The following UTP20 variants were observed in gnomAD, a reference collection of about 807,000 sequenced individuals.
The protein encoded by UTP20 is small subunit processome component 20 homolog.
A neutral mutation model predicts 329.5 loss-of-function variants in UTP20; 164 were observed. The observed-to-expected ratio is 0.50, with a 90% CI of 0.44 to 0.57. The LOEUF is 0.57. UTP20 is among the 20% of genes least tolerant of loss of function. The pLI is 0.00. For missense variants in UTP20, 3,055 were observed against 3,284.2 expected (o/e 0.93, Z 1.71); for synonymous variants, 1,151 against 1,159.3 (o/e 0.99, Z 0.14).
intron 29 of UTP20, among the ~76,000 whole-genome samples, chr12:101,334,728 A>C (rs937197950): frequency 1.3e-5 from 2 of 152,232 alleles, no homozygotes; most frequent in African/African-American, 4.8e-5. Context: ...CTGTAATCCC[A>C]GTACTTTGGG....
rs1381874927 is a variant in UTP20, at chr12:101,342,622, CT to C, written c.4245+37del. On this transcript the variant is annotated intron_variant, in intron 33 of 61. Transcript: ENST00000261637. ...CTATTCATTTTTACTCCAAATCACCCTTTTAAAAAAATGTAATTATGACTTG... is the reference window on the plus strand; with the variant it reads ...CTATTCATTTTTACTCCAAATCACCCTTTAAAAAAATGTAATTATGACTTG... The C allele has an allele frequency of 3.8e-6, 6 of 1,580,976 alleles. No individual in the cohort carries two copies. In the East Asian group the frequency reaches 1.1e-4, roughly 29 times the overall value.
intron 21 of UTP20, among the ~76,000 whole-genome samples, chr12:101,314,341 A>T (rs1872892814): frequency 6.6e-6 from 1 of 152,096 alleles, no homozygotes; most frequent in Admixed American, 6.5e-5. Context: ...GTTTTGATTA[A>T]TCTGATAGGG....
In UTP20 at chr12:101,373,698, TG is replaced by T; in HGVS notation, c.7064del (p.Gly2355ValfsTer25). 6.2e-7 allele frequency: 1 copy of T among 1,612,294 alleles called. No individual in the cohort carries two copies. The highest frequency in any genetic ancestry group is 8.5e-7 in the Non-Finnish European group (1 of 1,179,722). On this transcript the variant is annotated frameshift_variant, in exon 54 of 62. Transcript: ENST00000261637. LOFTEE classifies it high-confidence loss of function. ...CATCCATGACAATCAAGTCCCTACT[TG>T]GTAAAATCAGCCTCGAGAAAAAAGA... ...MASMTIKSLLGKISLEKKDWL... is the reference protein window; with the variant it reads ...MASMTIKSLLXKISLEKKDWL...
Position 101,290,244 on chromosome 12 carries a change from T to C in UTP20, c.705T>C (p.Val235=). ...TGCTCTTTGAAATGTGCAAAGGAGT[T>C]AGAAATATGTTTCACTCCTGTACAG... ...GQLLFEMCKG[V]RNMFHSCTGQ... is the part of the protein sequence containing the mutation. Residue 235 remains valine, a synonymous_variant, in exon 7 of 62, where the codon GTT becomes GTC. Transcript: ENST00000261637. 6.2e-7 allele frequency: 1 copy of C among 1,608,740 alleles called. No homozygotes were observed. The highest frequency in any genetic ancestry group is 1.1e-5 in the South Asian group (1 of 89,634).
chr12:101,311,261 T>G (rs1872780231), intron 19 of UTP20, among the ~76,000 whole-genome samples: 2 of 103,410 alleles, frequency 1.9e-5, no homozygotes, highest in Admixed American at 2.0e-4. Context: ...ATGTCTCCTT[T>G]TAAGTTCTGA....
intron 51 of UTP20, among the ~76,000 whole-genome samples, chr12:101,371,650 C>T (rs993163779): frequency 6.6e-5 from 10 of 150,572 alleles, no homozygotes; most frequent in Non-Finnish European, 1.5e-4. Context: ...TCTCCTGCCT[C>T]AGCCTCCTGA....
Position 101,383,032 on chromosome 12 carries a change from T to A in UTP20, c.7657-9T>A. 1.9e-6 allele frequency: 3 copies of A among 1,582,190 alleles called. No individual in the cohort carries two copies. The highest frequency in any genetic ancestry group is 2.6e-6 in the Non-Finnish European group (3 of 1,168,388). ...CCAATTTCTTCCCCCACCCCGTTTTTTTTTAAAGGTTGTTAAGAATTTGTT... is the reference window on the plus strand; with the variant it reads ...CCAATTTCTTCCCCCACCCCGTTTTATTTTAAAGGTTGTTAAGAATTTGTT... On this transcript the variant is annotated splice_polypyrimidine_tract_variant and intron_variant, in intron 58 of 61. Transcript: ENST00000261637.
chr12:101,381,097 A>G (rs1870630938), intron 57 of UTP20, 43 bp from the exon 58 acceptor site: 1 of 1,493,238 alleles, frequency 6.7e-7, no homozygotes, highest in South Asian at 1.1e-5. Context: ...ACAATCAGAA[A>G]TGTCCTGTGT....
At position 101,381,147 on chromosome 12, in the gene UTP20, G is replaced by T. The variant is rs1382891635; in HGVS notation, c.7592G>T (p.Ser2531Ile). 1.2e-6 allele frequency: 2 copies of T among 1,613,582 alleles called. No individual in the cohort carries two copies. The highest frequency in any genetic ancestry group is 1.7e-6 in the Non-Finnish European group (2 of 1,179,520). Residue 2531 changes from serine to isoleucine, a missense_variant, in exon 58 of 62, where the codon AGT becomes ATT. By Grantham distance (142) the Ser-to-Ile change is moderately radical. This residue lies in a region of UTP20 where 337 missense variants were observed against 345.5 expected (regional missense o/e 0.98). Transcript: ENST00000261637. ...LASDLDQKMK[S>I]ISLASCHQLH... ...TCCATTTTCTTTTCACAGATGAAAA[G>T]TATCTCTCTCGCCTCTTGCCATCAA...
At chr12:101,316,528 A>T (rs1872976747) in intron 21 of UTP20, among the ~76,000 whole-genome samples, 1 of 152,192 alleles carries the variant, frequency 6.6e-6, no homozygotes. Context: ...AATACCAAGT[A>T]CCACAGTGTC....
chr12:101,338,947 A>G lies in UTP20; in HGVS notation c.4003A>G (p.Ile1335Val). The G allele has an allele frequency of 6.3e-7, 1 of 1,592,816 alleles. No individual in the cohort carries two copies. Among genetic ancestry groups the G allele is most frequent in the African/African-American group, 1.4e-5 (1 of 73,674 alleles). ...AGCACAAGTCAGTAAAGAGCTTGGCATTCTTTCAAAGTAAGTGATATGTTG... is the reference window on the plus strand; with the variant it reads ...AGCACAAGTCAGTAAAGAGCTTGGCGTTCTTTCAAAGTAAGTGATATGTTG... ...NRAQVSKELG[I>V]LSKISKFMKD... Residue 1335 changes from isoleucine (I) to valine (V), a missense_variant, in exon 31 of 62, where the codon ATT becomes GTT. Physicochemically the swap from Ile to Val is conservative, Grantham distance 29 (BLOSUM62 3). Coordinates refer to ENST00000261637, the MANE Select transcript of UTP20 (RefSeq NM_014503.3).
chr12:101,355,008 G>T lies in UTP20; in HGVS notation c.5284G>T (p.Val1762Phe), dbSNP rs764125310. ...AKESECITKP[V>F]SFLPQNKEEI... ...AGAATCCGAGTGTATCACAAAGCCT[G>T]TCTCTTTCCTTCCTCAAAACAAGGA... Residue 1762 changes from valine (V) to phenylalanine (F), a missense_variant, in exon 41 of 62, where the codon GTC becomes TTC. Transcript: ENST00000261637. 7.4e-6 allele frequency: 12 copies of T among 1,614,072 alleles called. No homozygotes were observed. Among genetic ancestry groups the T allele is most frequent in the East Asian group, 6.7e-5 (3 of 44,896 alleles).
chr12:101,286,281 A>G (rs1032118533), intron 4 of UTP20, 40 bp from the exon 5 acceptor site: 1 of 1,513,316 alleles, frequency 6.6e-7, no homozygotes, highest in Non-Finnish European at 8.8e-7. Context: ...TAGCCTTTTA[A>G]AAAAATCCAC....
intron 5 of UTP20, among the ~76,000 whole-genome samples, chr12:101,287,651 A>G (rs1872003143): frequency 6.6e-6 from 1 of 152,194 alleles, no homozygotes; most frequent in Non-Finnish European, 1.5e-5. Context: ...TGTCATTAAT[A>G]CTAACGTTCT....
At chr12:101,378,422 C>T (rs1870542372) in intron 56 of UTP20, among the ~76,000 whole-genome samples, 1 of 152,122 alleles carries the variant, frequency 6.6e-6, no homozygotes, top group Non-Finnish European at 1.5e-5. Flanking sequence ...ACATTACTCA[C>T]TTTAGAAAAT....
chr12:101,299,785 A>G lies in UTP20; in HGVS notation c.1534A>G (p.Thr512Ala). Reference sequence around the variant, plus strand: ...AATTAAGTTACCCCCAAATAAAGATACTACTTACCTTTCACAATCTTGGGC... The same window carrying G: ...AATTAAGTTACCCCCAAATAAAGATGCTACTTACCTTTCACAATCTTGGGC... ...SIIKLPPNKD[T>A]TYLSQSWAAL... Residue 512 changes from threonine to alanine, a missense_variant, in exon 13 of 62, where the codon ACT (threonine) becomes GCT (alanine). Coordinates refer to ENST00000261637, the MANE Select transcript of UTP20 (RefSeq NM_014503.3). 3.7e-6 allele frequency: 6 copies of G among 1,613,196 alleles called. No homozygotes were observed. The highest frequency in any genetic ancestry group is 5.1e-6 in the Non-Finnish European group (6 of 1,179,700).
At chr12:101,356,190 G>C (rs1281611022) in intron 41 of UTP20, among the ~76,000 whole-genome samples, 2 of 152,124 alleles carry the variant, frequency 1.3e-5, no homozygotes, top group African/African-American at 4.8e-5. Context: ...GCAGTGGCAC[G>C]ATCTCGGCTC....
At chr12:101,332,261 C>T (rs1319435948) in intron 27 of UTP20, among the ~76,000 whole-genome samples, 1 of 152,148 alleles carries the variant, frequency 6.6e-6, no homozygotes, top group East Asian at 1.9e-4. Context: ...CACTTGAACC[C>T]AGGAGGTGGA....
intron 12 of UTP20, among the ~76,000 whole-genome samples, chr12:101,295,963 A>G (rs1014212624): frequency 6.6e-6 from 1 of 152,178 alleles, no homozygotes; most frequent in African/African-American, 2.4e-5. Flanking sequence ...TTAACCATTT[A>G]TTTTAAAGTT....
Sources: allele counts gnomAD v4.1 joint callset (sites outside exome capture counted in the v4.1 genomes callset), GRCh38; gene constraint gnomAD v4.1.1; regional missense constraint gnomAD v4.1.1; transcripts MANE v1.5; gene names NCBI Gene and HGNC (gene_info 2026-07-23, HGNC 2026-07-21).